NHERF2: variants seen among roughly 807,000 people sequenced by gnomAD.
NHERF2 encodes NHERF family PDZ scaffold protein 2.
chr16:2,034,815 C>T, the NHERF2 span, among the ~76,000 whole-genome samples: 10 of 150,294 alleles, frequency 6.7e-5, no homozygotes, highest in East Asian at 9.8e-4. Context: ...CCTGTCCCCA[C>T]GCCTTCCCTG....
At chr16:2,037,616 A>G in the NHERF2 span, 3 of 1,610,560 alleles carry the variant, frequency 1.9e-6, no homozygotes, top group Non-Finnish European at 2.5e-6. Flanking sequence ...GATGTTCTCC[A>G]CTCCTGAGCT....
At chr16:2,037,255 C>G in the NHERF2 span, among the ~76,000 whole-genome samples, 1 of 152,214 alleles carries the variant, frequency 6.6e-6, no homozygotes, top group Admixed American at 6.5e-5. Context: ...GCCCTCCAGT[C>G]TCTGCCTCCT....
At chr16:2,037,566 G>A in the NHERF2 span, 26 of 1,612,498 alleles carry the variant, frequency 1.6e-5, no homozygotes, top group South Asian at 5.5e-5. Flanking sequence ...TGCTCGTCCC[G>A]AAGTGACCTG....
the NHERF2 span, chr16:2,035,806 CG>C: frequency 2.0e-6 from 1 of 497,618 alleles, no homozygotes; most frequent in African/African-American, 2.1e-5. Flanking sequence ...GCTGGGCCCA[CG>C]GGGGTGGGGC....
the NHERF2 span, among the ~76,000 whole-genome samples, chr16:2,030,068 C>T: frequency 1.3e-5 from 2 of 152,336 alleles, no homozygotes; most frequent in East Asian, 1.9e-4. Flanking sequence ...GACAAGCTGC[C>T]GCCTCCCCAG....
chr16:2,034,383 C>T, the NHERF2 span, among the ~76,000 whole-genome samples: 1 of 90,558 alleles, frequency 1.1e-5, no homozygotes, highest in Admixed American at 1.0e-4. Context: ...CCCACGCCTT[C>T]CCTCCGTCCC....
the NHERF2 span, among the ~76,000 whole-genome samples, chr16:2,028,346 T>C: frequency 6.6e-6 from 1 of 152,198 alleles, no homozygotes; most frequent in African/African-American, 2.4e-5. Context: ...GGCCTGGACC[T>C]GAGGGATTGA....
At chr16:2,032,709 G>T in the NHERF2 span, 1 of 640,388 alleles carries the variant, frequency 1.6e-6, no homozygotes, top group East Asian at 1.4e-4. This position sits in a 1 kb window ranked among gnomAD's most constrained non-coding sequence, Gnocchi z 4.0. Context: ...AGTTAGTGAT[G>T]ACTCAGCCCT....
chr16:2,033,371 C>T, the NHERF2 span: 2 of 1,533,210 alleles, frequency 1.3e-6, no homozygotes, highest in Non-Finnish European at 8.7e-7. Context: ...TCCGGGAGTG[C>T]CACGCCACCT....
the NHERF2 span, chr16:2,037,674 T>C: frequency 1.9e-6 from 3 of 1,572,380 alleles, no homozygotes; most frequent in South Asian, 2.3e-5. Context: ...TGTGGAGATG[T>C]CAGCCCGGGC....
the NHERF2 span, chr16:2,033,237 C>T: frequency 7.6e-5 from 115 of 1,511,908 alleles, 2 homozygotes; most frequent in African/African-American, 9.2e-4. Context: ...CACCCATCCC[C>T]GGGGAGCCAG....
the NHERF2 span, chr16:2,038,461 A>G: frequency 2.7e-6 from 1 of 370,140 alleles, no homozygotes; most frequent in Non-Finnish European, 5.0e-6. Context: ...TAATTGCAAT[A>G]AAACAAACCT....
the NHERF2 span, chr16:2,036,862 C>T: frequency 1.2e-6 from 2 of 1,610,536 alleles, no homozygotes; most frequent in East Asian, 2.2e-5. Context: ...GGGTCACACC[C>T]ACCGAGGAGC....
the NHERF2 span, among the ~76,000 whole-genome samples, chr16:2,030,399 C>A: frequency 6.6e-6 from 1 of 152,256 alleles, no homozygotes; most frequent in East Asian, 1.9e-4. Context: ...GTCTGCTGTT[C>A]CTCCTGGACT....
chr16:2,034,262 T>G, the NHERF2 span, among the ~76,000 whole-genome samples: 1 of 152,148 alleles, frequency 6.6e-6, no homozygotes, highest in Non-Finnish European at 1.5e-5. Flanking sequence ...TGGGCCCATA[T>G]CACGCTCCCA....
the NHERF2 span, chr16:2,038,515 G>A: frequency 2.7e-5 from 10 of 369,214 alleles, no homozygotes; most frequent in Non-Finnish European, 4.6e-5. Context: ...CCTCAGCAGC[G>A]GCCGTCCTGA....
chr16:2,033,142 G>A, the NHERF2 span: 1 of 1,414,248 alleles, frequency 7.1e-7, no homozygotes, highest in East Asian at 2.6e-5. Flanking sequence ...GCCTAGCTGG[G>A]TGGGGGGCGC....
the NHERF2 span, chr16:2,038,215 CAGAGACAG>C: frequency 1.7e-6 from 1 of 597,946 alleles, no homozygotes; most frequent in Non-Finnish European, 3.0e-6. Context: ...GAGTCAGAGA[CAGAGACAG>C]AGAGAGAGAG....
chr16:2,033,494 G>A, the NHERF2 span: 1 of 1,471,056 alleles, frequency 6.8e-7, no homozygotes, highest in African/African-American at 1.4e-5. Context: ...GCCTCCCGGG[G>A]TGGAAGGAGG....
Sources: allele counts gnomAD v4.1 joint callset (sites outside exome capture counted in the v4.1 genomes callset), GRCh38; gene constraint gnomAD v4.1.1; non-coding constraint Gnocchi (gnomAD v3.1); transcripts MANE v1.5; gene names NCBI Gene and HGNC (gene_info 2026-07-23, HGNC 2026-07-21).